Variants in NPAS3 observed in about 807,000 individuals in gnomAD.
The protein encoded by NPAS3 is neuronal PAS domain-containing protein 3.
In NPAS3, 14 loss-of-function variants were observed where a neutral mutation model predicts 73.1. That is an observed-to-expected ratio of 0.19 (90% CI 0.13 to 0.30). The LOEUF is 0.30. Ranked by LOEUF, NPAS3 falls within the 10% of genes least tolerant of loss-of-function variation. The pLI is 1.00. For synonymous variants in NPAS3, 620 were observed against 541.5 expected, an observed-to-expected ratio of 1.14 and a Z score of -2.01; for missense variants, 1,096 against 1,250.0, an observed-to-expected ratio of 0.88 and a Z score of 1.86.
At chr14:33,652,129 G>C (rs1263407773) in intron 5 of NPAS3, among the ~76,000 whole-genome samples, 1 of 152,154 alleles carries the variant, frequency 6.6e-6, no homozygotes, top group African/African-American at 2.4e-5. Flanking sequence ...GAAAATTTAT[G>C]TGTAAGTAAA....
At chr14:33,336,875 TATC>T in intron 3 of NPAS3, among the ~76,000 whole-genome samples, 1 of 8,090 alleles carries the variant, frequency 1.2e-4, no homozygotes, top group African/African-American at 7.6e-3. Flanking sequence ...GCCTTCCTTA[TATC>T]TTCTTTGGAG....
At chr14:33,439,483 G>A (rs578232018) in intron 4 of NPAS3, among the ~76,000 whole-genome samples, 8 of 152,304 alleles carry the variant, frequency 5.3e-5, no homozygotes, top group Admixed American at 3.9e-4. Flanking sequence ...CTTGACCTAC[G>A]TTCCTCAGAG....
intron 4 of NPAS3, among the ~76,000 whole-genome samples, chr14:33,470,732 A>G (rs2050742414): frequency 6.6e-6 from 1 of 152,106 alleles, no homozygotes; most frequent in Non-Finnish European, 1.5e-5. Flanking sequence ...GGATTTTTTC[A>G]TTATTTAATA....
chr14:33,498,914 G>T (rs2052357752), intron 4 of NPAS3, among the ~76,000 whole-genome samples: 1 of 136,136 alleles, frequency 7.3e-6, no homozygotes, highest in African/African-American at 2.9e-5. Flanking sequence ...TTAAATGAAT[G>T]AGAGAGAGAG....
At chr14:33,397,497 C>G (rs533970001) in intron 4 of NPAS3, among the ~76,000 whole-genome samples, 1 of 152,146 alleles carries the variant, frequency 6.6e-6, no homozygotes, top group African/African-American at 2.4e-5. Context: ...TGCTACTGTA[C>G]AGTACTTCTT....
chr14:33,563,577 A>G (rs1020768965), intron 5 of NPAS3, among the ~76,000 whole-genome samples: 2 of 127,802 alleles, frequency 1.6e-5, no homozygotes, highest in African/African-American at 6.3e-5. Context: ...AGAGATGTAT[A>G]TATTTAACCT....
At position 33,760,707 on chromosome 14, in the gene NPAS3, TA is replaced by T. The variant is rs58546400; in HGVS notation, c.853-13617del. 5.9e-3 allele frequency among the ~76,000 whole-genome samples: 863 copies of T among 145,618 alleles called. 7 individuals are homozygous for T. Among genetic ancestry groups the T allele is most frequent in the African/African-American group, 0.017 (679 of 40,228 alleles). Reference sequence around the variant, plus strand: ...TTATGTCTGCCTAAACCAAACAAGTTAAAAAAAAAAAAATCAAGTGCTGATT... The same window carrying T: ...TTATGTCTGCCTAAACCAAACAAGTTAAAAAAAAAAAATCAAGTGCTGATT... On this transcript the variant is annotated intron_variant, in intron 7 of 11. Coordinates refer to ENST00000356141, the Ensembl canonical transcript of NPAS3.
intron 4 of NPAS3, among the ~76,000 whole-genome samples, chr14:33,414,317 A>C (rs1027361453): frequency 3.3e-5 from 5 of 152,150 alleles, no homozygotes; most frequent in Non-Finnish European, 5.9e-5. Context: ...AAAAAAGTAG[A>C]AATCTTTGTC....
At chr14:33,165,335 G>T (rs1463020488) in intron 2 of NPAS3, among the ~76,000 whole-genome samples, 2 of 151,234 alleles carry the variant, frequency 1.3e-5, no homozygotes, top group African/African-American at 4.9e-5. Context: ...TAATCTAGTA[G>T]GCTATCCTCG....
intron 5 of NPAS3, among the ~76,000 whole-genome samples, chr14:33,564,311 G>A (rs58989816): frequency 0.012 from 1,899 of 152,256 alleles, 38 homozygotes; most frequent in African/African-American, 0.044. Flanking sequence ...GGAAGGCAAA[G>A]TTTTTCTGGG....
intron 3 of NPAS3, among the ~76,000 whole-genome samples, chr14:33,253,489 C>T (rs1249933590): frequency 1.3e-5 from 2 of 152,052 alleles, no homozygotes; most frequent in African/African-American, 4.8e-5. Flanking sequence ...CAACTGATTT[C>T]CCAATGGTAA....
intron 1 of NPAS3, among the ~76,000 whole-genome samples, chr14:32,964,592 A>G (rs55954487): frequency 1.4e-3 from 206 of 152,374 alleles, no homozygotes; most frequent in African/African-American, 4.9e-3. Flanking sequence ...AAGATTTAAT[A>G]GATACATCTG....
intron 1 of NPAS3, among the ~76,000 whole-genome samples, chr14:32,954,389 C>T (rs939749126): frequency 2.0e-5 from 3 of 152,030 alleles, no homozygotes; most frequent in Non-Finnish European, 4.4e-5. Flanking sequence ...TACATTAGAT[C>T]GCTTAAATTT....
chr14:33,479,377 C>T (rs1175037626), intron 4 of NPAS3, among the ~76,000 whole-genome samples: 1 of 152,102 alleles, frequency 6.6e-6, no homozygotes, highest in African/African-American at 2.4e-5. Context: ...GCCTTACTAC[C>T]CCACCCCCAA....
chr14:33,463,798 A>G (rs2139527200), intron 4 of NPAS3, among the ~76,000 whole-genome samples: 2 of 152,324 alleles, frequency 1.3e-5, no homozygotes, highest in African/African-American at 4.8e-5. Context: ...TCAAGGAGTT[A>G]AATTGTGTTG....
At chr14:33,355,697 C>G (rs2045308181) in intron 3 of NPAS3, among the ~76,000 whole-genome samples, 2 of 152,116 alleles carry the variant, frequency 1.3e-5, no homozygotes, top group South Asian at 4.1e-4. Flanking sequence ...AGAAGTTTCT[C>G]TCATCTCAGG....
At chr14:33,067,583 T>C (rs951035121) in intron 2 of NPAS3, among the ~76,000 whole-genome samples, 3 of 152,272 alleles carry the variant, frequency 2.0e-5, no homozygotes, top group African/African-American at 7.2e-5. Flanking sequence ...AGCACTCCCA[T>C]GAGCATTCCC....
At chr14:33,095,130 G>A (rs1295949098) in intron 2 of NPAS3, among the ~76,000 whole-genome samples, 1 of 152,182 alleles carries the variant, frequency 6.6e-6, no homozygotes, top group Non-Finnish European at 1.5e-5. Context: ...AATATTGCTA[G>A]TCTGACTTTA....
intron 5 of NPAS3, among the ~76,000 whole-genome samples, chr14:33,588,700 G>A (rs993423271): frequency 2.0e-5 from 3 of 152,056 alleles, no homozygotes; most frequent in African/African-American, 7.2e-5. Flanking sequence ...TGCAACCTTC[G>A]CCTCCCAGGT....
Sources: allele counts gnomAD v4.1 joint callset (sites outside exome capture counted in the v4.1 genomes callset), GRCh38; gene constraint gnomAD v4.1.1; transcripts MANE v1.5; gene names NCBI Gene and HGNC (gene_info 2026-07-23, HGNC 2026-07-21).